Variants in NUP93 observed in about 807,000 individuals in gnomAD.
NUP93 encodes nucleoporin 93, also known as nuclear pore complex protein Nup93.
A neutral mutation model predicts 107.8 loss-of-function variants in NUP93; 55 were observed. That is an observed-to-expected ratio of 0.51 (90% CI 0.41 to 0.64). The LOEUF is 0.64. Among genes scored for constraint, NUP93 ranks in the 30% least tolerant of loss-of-function variants. NUP93 has a pLI of 0.00. For missense variants in NUP93, 937 were observed against 1,044.7 expected, an observed-to-expected ratio of 0.90 and a Z score of 1.42; for synonymous variants, 390 against 397.5, an observed-to-expected ratio of 0.98 and a Z score of 0.22.
intron 4 of NUP93, among the ~76,000 whole-genome samples, chr16:56,800,186 A>C (rs1437954760): frequency 6.6e-6 from 1 of 152,228 alleles, no homozygotes; most frequent in Non-Finnish European, 1.5e-5. Context: ...CTGTCTCAAA[A>C]AAATAAATAA....
rs778140973 is a variant in NUP93, at chr16:56,748,412, G to A, written c.165G>A (p.Thr55=). The A allele has an allele frequency of 1.4e-5, 22 of 1,612,506 alleles. No homozygotes were observed. Among genetic ancestry groups the A allele is most frequent in the South Asian group, 1.3e-4 (12 of 90,966 alleles). Residue 55 remains threonine, a synonymous_variant, in exon 2 of 22, where the codon ACG becomes ACA. Coordinates refer to ENST00000308159, the MANE Select transcript of NUP93 (RefSeq NM_014669.5). ...CCCTAACACGCACGTCCCAGGAGAC[G>A]GCAGATGTCAAGGCGTGAGTACTGG... The part of the protein sequence containing the change: ...SRTLTRTSQE[T]ADVKASVLLG...
chr16:56,753,242 C>T (rs552509108), intron 2 of NUP93, among the ~76,000 whole-genome samples: 1 of 152,220 alleles, frequency 6.6e-6, no homozygotes, highest in South Asian at 2.1e-4. Context: ...GTAAATGGGT[C>T]TAAGCAATCA....
intron 2 of NUP93, among the ~76,000 whole-genome samples, chr16:56,751,022 C>G (rs1446819153): frequency 1.3e-5 from 2 of 151,972 alleles, no homozygotes; most frequent in Non-Finnish European, 2.9e-5. Flanking sequence ...GTGACACGCA[C>G]CTGTAGTCCC....
At position 56,778,604 on chromosome 16, in the gene NUP93, C is replaced by T. The variant is rs541480732; in HGVS notation, c.298-19872C>T. 1.6e-4 allele frequency among the ~76,000 whole-genome samples: 24 copies of T among 152,304 alleles called. 1 individual carries two copies. In the Middle Eastern group the frequency reaches 0.01, roughly 65 times the overall value. Reference sequence around the variant, plus strand: ...TGTGTGAGGGACATTTGGGATAAAACATCTGCCACATGTGGTGCCTGATGG... The same window carrying T: ...TGTGTGAGGGACATTTGGGATAAAATATCTGCCACATGTGGTGCCTGATGG... On this transcript the variant is annotated intron_variant, in intron 3 of 21. Transcript: ENST00000308159.
At chr16:56,789,732 C>T (rs1341263357) in intron 3 of NUP93, among the ~76,000 whole-genome samples, 1 of 152,270 alleles carries the variant, frequency 6.6e-6, no homozygotes, top group Non-Finnish European at 1.5e-5. Flanking sequence ...GCACTGCTTT[C>T]TGCAGGGTTA....
At chr16:56,800,105 C>T (rs1164438030) in intron 4 of NUP93, among the ~76,000 whole-genome samples, 1 of 152,144 alleles carries the variant, frequency 6.6e-6, no homozygotes, top group East Asian at 1.9e-4. Context: ...ACCGCTTGAA[C>T]CTAGGAGGCA....
At chr16:56,750,975 A>G (rs1961908169) in intron 2 of NUP93, among the ~76,000 whole-genome samples, 1 of 152,088 alleles carries the variant, frequency 6.6e-6, no homozygotes, top group Non-Finnish European at 1.5e-5. Flanking sequence ...CCTGGACAAC[A>G]TGGCAAAACC....
At chr16:56,838,929 C>T in intron 18 of NUP93, 23 bp from the exon 19 acceptor site, 1 of 1,526,492 alleles carries the variant, frequency 6.6e-7, no homozygotes, top group Non-Finnish European at 9.1e-7. Flanking sequence ...TCTTACTACC[C>T]CCACCCCGTT....
chr16:56,808,216 T>TATAACTATATAAAATATATA (rs1567398419), intron 5 of NUP93, among the ~76,000 whole-genome samples: 5 of 108,886 alleles, frequency 4.6e-5, no homozygotes, highest in East Asian at 2.6e-4. Context: ...TATATAGTTA[T>TATAACTATATAAAATATATA]GTAACTATAT....
At chr16:56,735,309 A>C (rs1961593959) in intron 1 of NUP93, among the ~76,000 whole-genome samples, 1 of 152,224 alleles carries the variant, frequency 6.6e-6, no homozygotes, top group East Asian at 1.9e-4. Flanking sequence ...TCATCGAGCT[A>C]AAGAGTGAAG....
chr16:56,833,148 G>T (rs1399105917), intron 12 of NUP93, 67 bp from the exon 13 acceptor site: 23 of 1,406,740 alleles, frequency 1.6e-5, no homozygotes, highest in Non-Finnish European at 2.1e-5. Context: ...GCTGCCTGGG[G>T]GTTGGGCCAC....
At chr16:56,790,840 C>T (rs183262760) in intron 3 of NUP93, among the ~76,000 whole-genome samples, 6 of 152,258 alleles carry the variant, frequency 3.9e-5, no homozygotes, top group East Asian at 3.9e-4. Flanking sequence ...CTTGTTTTAT[C>T]TTGGAGCAGA....
chr16:56,848,416 A>G lies in NUP93; in HGVS notation c.*3807A>G, dbSNP rs1964139520. On this transcript the variant is annotated 3_prime_UTR_variant, in exon 22 of 22. Coordinates refer to ENST00000308159, the MANE Select transcript of NUP93 (RefSeq NM_014669.5). Reference sequence around the variant, plus strand: ...ATCAGAATTGAGCTTTTGTTCCTGCATCTCAGAAATACCAGGAAGAAGTCA... The same window carrying G: ...ATCAGAATTGAGCTTTTGTTCCTGCGTCTCAGAAATACCAGGAAGAAGTCA... The G allele has an allele frequency of 6.6e-6, 1 of 152,242 alleles. No individual in the cohort carries two copies. 9.4% of individuals were successfully genotyped at this position (152,242 alleles called of 1,614,324 possible). A position where few individuals can be genotyped will look rare whatever the true frequency, so the allele number is the denominator to read the frequency against.
intron 3 of NUP93, chr16:56,781,889 C>T: frequency 3.2e-5 from 32 of 985,400 alleles, no homozygotes; most frequent in Non-Finnish European, 3.9e-5. Flanking sequence ...TTGTGTAGCG[C>T]ACAACGAATG....
chr16:56,790,318 T>A (rs1277087742), intron 3 of NUP93, among the ~76,000 whole-genome samples: 1 of 152,228 alleles, frequency 6.6e-6, no homozygotes, highest in South Asian at 2.1e-4. Context: ...TAAACCCTTA[T>A]GGAAGTTCAC....
chr16:56,802,612 C>T (rs1963045452), intron 4 of NUP93, among the ~76,000 whole-genome samples: 1 of 152,150 alleles, frequency 6.6e-6, no homozygotes, highest in Non-Finnish European at 1.5e-5. Context: ...TGTCTGATGT[C>T]CTTTTTCACA....
In NUP93 at chr16:56,747,407, C is replaced by T. The variant is rs191088797; in HGVS notation, c.-14-827C>T. Among the ~76,000 whole-genome samples the T allele has an allele frequency of 5.0e-3, 761 of 152,312 alleles. 4 individuals are homozygous for T. Among genetic ancestry groups the T allele is most frequent in the Non-Finnish European group, 9.3e-3 (633 of 68,034 alleles). On this transcript the variant is annotated intron_variant, in intron 1 of 21. Transcript: ENST00000308159. ...ATATAAGAATAGTGCAGTATATATT[C>T]TGTACTACTGGCATTTCTAAAAGTA...
At chr16:56,786,613 A>G (rs1962633180) in intron 3 of NUP93, among the ~76,000 whole-genome samples, 1 of 152,252 alleles carries the variant, frequency 6.6e-6, no homozygotes, top group African/African-American at 2.4e-5. Flanking sequence ...GAAGATGATA[A>G]GCATTTATAA....
rs150121071 is a variant in NUP93, at chr16:56,778,765, A to C, written c.298-19711A>C. Among the ~76,000 whole-genome samples, 1,335 of 152,318 alleles carry C rather than the reference A, an allele frequency of 8.8e-3. 18 individuals are homozygous for C. The highest frequency in any genetic ancestry group is 0.03 in the African/African-American group (1,263 of 41,564). On this transcript the variant is annotated intron_variant, in intron 3 of 21. Coordinates refer to ENST00000308159, the MANE Select transcript of NUP93 (RefSeq NM_014669.5). ...TCATTTCCGTTTCTGATGTTCTGGT[A>C]AGCTATCACTGTGGAAATGCTCCTG...
Sources: allele counts gnomAD v4.1 joint callset (sites outside exome capture counted in the v4.1 genomes callset), GRCh38; gene constraint gnomAD v4.1.1; transcripts MANE v1.5; gene names NCBI Gene and HGNC (gene_info 2026-07-23, HGNC 2026-07-21).